The following PER1 variants were observed in gnomAD, a reference collection of about 807,000 sequenced individuals.
PER1 encodes period circadian regulator 1.
Under a neutral mutation model 125.9 loss-of-function variants are expected in PER1, and 87 were observed. That is an observed-to-expected ratio of 0.69 (90% CI 0.58 to 0.83). The LOEUF is 0.83. Among genes scored for constraint, PER1 ranks in the 40% least tolerant of loss-of-function variants. The pLI, the probability that PER1 is intolerant of heterozygous loss-of-function variation, is 0.00. For synonymous variants in PER1, 801 were observed against 714.7 expected (o/e 1.12, Z -1.93); for missense variants, 1,775 against 1,722.8 (o/e 1.03, Z -0.54).
intron 22 of PER1, 145 bp from the exon 23 acceptor site, chr17:8,141,485 C>T: frequency 1.0e-6 from 1 of 965,204 alleles, no homozygotes. Context: ...TGCGGTCCAA[C>T]AAGGTTGGAC....
rs771519844 is a variant in PER1, at chr17:8,146,339, G to A, written c.2038+33C>T. On this transcript the variant is annotated intron_variant, in intron 16 of 22. Transcript: ENST00000317276. Reference sequence around the variant, plus strand: ...GACACAGGGCCACCAGGCCAGGACGGGGCAGTGGGAGCAGGGTGCATTGGA... The same window carrying A: ...GACACAGGGCCACCAGGCCAGGACGAGGCAGTGGGAGCAGGGTGCATTGGA... 7.6e-6 allele frequency: 12 copies of A among 1,575,692 alleles called. 1 individual carries two copies. The Admixed American group carries it at 1.9e-4, about 26-fold the overall frequency.
chr17:8,148,392 G>A, intron 8 of PER1, 133 bp from the exon 9 acceptor site: 2 of 836,862 alleles, frequency 2.4e-6, no homozygotes, highest in Non-Finnish European at 1.9e-6. Context: ...GCCCAAAGAT[G>A]GTCTGGGCCA....
At chr17:8,151,456 G>A (rs1197132085) in intron 1 of PER1, among the ~76,000 whole-genome samples, 2 of 152,102 alleles carry the variant, frequency 1.3e-5, no homozygotes, top group Non-Finnish European at 1.5e-5. Flanking sequence ...GGGGGGTCAC[G>A]CATCCCTTAC....
chr17:8,150,899 G>A (rs3027175), intron 1 of PER1, 54 bp from the exon 2 acceptor site: 6,680 of 548,822 alleles, frequency 0.012, 372 homozygotes, highest in African/African-American at 0.12. Flanking sequence ...TAACTCCAGA[G>A]CACCTGCTGG....
Position 8,143,580 on chromosome 17 carries a change from C to T in PER1, c.2758G>A (p.Ala920Thr), listed in dbSNP as rs1982225329. ...AACAGATAGTTAGGGAGCACCAAGG[C>T]CACCATTGGGGTCACCAAAGGGGCG... is the stretch of plus-strand genomic sequence containing the variant. The part of the protein sequence containing the change: ...FPAPLVTPMV[A>T]LVLPNYLFPT... The change falls in exon 19 of 23, where the codon GCC (alanine) becomes ACC (threonine). Residue 920 changes from alanine to threonine, a missense_variant. By Grantham distance (58) the Ala-to-Thr change is moderately conservative. Transcript: ENST00000317276. 1.4e-6 allele frequency: 2 copies of T among 1,466,224 alleles called. No individual in the cohort carries two copies. Among genetic ancestry groups the T allele is most frequent in the South Asian group, 1.4e-5 (1 of 71,114 alleles). 90.8% of individuals were successfully genotyped at this position (1,466,224 alleles called of 1,614,324 possible). A position where few individuals can be genotyped will look rare whatever the true frequency, so the allele number is the denominator to read the frequency against.
intron 17 of PER1, 69 bp from the exon 18 acceptor site, chr17:8,145,062 T>G (rs767634216): frequency 7.4e-7 from 1 of 1,355,306 alleles, no homozygotes; most frequent in South Asian, 2.2e-5. Context: ...TACCACACCC[T>G]CCCTGTCTGA....
chr17:8,147,763 C>T lies in PER1; in HGVS notation c.1299G>A (p.Glu433=). The change falls in exon 11 of 23, where the codon GAG becomes GAA. Residue 433 remains glutamate (E), a synonymous_variant. Transcript: ENST00000317276. ...SPIRFCARNG[E]YVTMDTSWAG... ...CCCAGCTGGTGTCCATGGTGACATACTCCCCGTTGCGGGCACAGAAGCGGA... is the reference window on the plus strand; with the variant it reads ...CCCAGCTGGTGTCCATGGTGACATATTCCCCGTTGCGGGCACAGAAGCGGA... The T allele has an allele frequency of 6.2e-7, 1 of 1,614,110 alleles. No homozygotes were observed. Among genetic ancestry groups the T allele is most frequent in the Non-Finnish European group, 8.5e-7 (1 of 1,180,020 alleles).
chr17:8,146,678 A>G lies in PER1; in HGVS notation c.1823T>C (p.Leu608Pro), dbSNP rs1982465398. The G allele has an allele frequency of 6.2e-7, 1 of 1,613,852 alleles. No individual in the cohort carries two copies. The highest frequency in any genetic ancestry group is 8.5e-7 in the Non-Finnish European group (1 of 1,179,992). The change falls in exon 15 of 23, where the codon CTA (leucine) becomes CCA (proline). Residue 608 changes from leucine to proline, a missense_variant. By Grantham distance (98) the Leu-to-Pro change is moderately conservative (BLOSUM62 -3). Transcript: ENST00000317276. Reference sequence around the variant, plus strand: ...CTCGGCCTCCTCAGGGACCAAGGCTAGTGGGGCCTGGACGGGAGCAGAACC... The same window carrying G: ...CTCGGCCTCCTCAGGGACCAAGGCTGGTGGGGCCTGGACGGGAGCAGAACC... ...EAGSAPVQAP[L>P]ALVPEEAERK... is the part of the protein sequence containing the mutation.
chr17:8,149,333 G>T, intron 6 of PER1, 23 bp from the exon 7 acceptor site: 1 of 1,613,434 alleles, frequency 6.2e-7, no homozygotes. Context: ...GGAGAGGAGT[G>T]AGCACAGCTT....
chr17:8,145,189 GC>G, intron 17 of PER1, 196 bp from the exon 18 acceptor site: 2 of 448,154 alleles, frequency 4.5e-6, no homozygotes, highest in Non-Finnish European at 3.7e-6. Flanking sequence ...TGCAAAGCTG[GC>G]CCAGAAGAAG....
Position 8,147,686 on chromosome 17 carries a change from T to C in PER1, c.1376A>G (p.His459Arg). Reference sequence around the variant, plus strand: ...ATGGCCCACTTACGTGCGTACTTTGTGGCGGCCCAACACGAAGGCTACCTT... The same window carrying C: ...ATGGCCCACTTACGTGCGTACTTTGCGGCGGCCCAACACGAAGGCTACCTT... ...SRKVAFVLGR[H>R]KVRTAPLNED... Residue 459 changes from histidine (H) to arginine (R), a missense_variant, in exon 11 of 23, where the codon CAC becomes CGC. Physicochemically the swap from His to Arg is conservative, Grantham distance 29 (BLOSUM62 0). Coordinates refer to ENST00000317276, the MANE Select transcript of PER1 (RefSeq NM_002616.3). The C allele has an allele frequency of 6.8e-6, 11 of 1,614,010 alleles. No individual in the cohort carries two copies. The highest frequency in any genetic ancestry group is 1.3e-5 in the African/African-American group (1 of 75,056).
chr17:8,142,952 A>G, intron 19 of PER1, 117 bp from the exon 20 acceptor site: 1 of 776,596 alleles, frequency 1.3e-6, no homozygotes, highest in Non-Finnish European at 2.1e-6. Context: ...TCTGCTCCCC[A>G]CTTCGTGACA....
chr17:8,142,542 A>T, intron 20 of PER1, 84 bp from the exon 21 acceptor site: 1 of 1,552,038 alleles, frequency 6.4e-7, no homozygotes. Context: ...CTCAAAGGCC[A>T]CATGTCCATC....
intron 16 of PER1, 45 bp from the exon 17 acceptor site, chr17:8,146,182 G>C (rs922916768): frequency 1.3e-6 from 2 of 1,553,836 alleles, no homozygotes; most frequent in African/African-American, 2.7e-5. Flanking sequence ...CCCCCACTGG[G>C]AAGTCAGGAG....
intron 18 of PER1, chr17:8,144,529 T>A (rs1982297685): frequency 1.8e-6 from 1 of 560,336 alleles, no homozygotes; most frequent in South Asian, 2.6e-5. Flanking sequence ...TGCCTGCCCA[T>A]CCCAGTGCCA....
rs1285105421 is a variant in PER1 at position 8,149,537 on chromosome 17, G to T, written c.778C>A (p.Pro260Thr). The change falls in exon 6 of 23, where the codon CCC (proline) becomes ACC (threonine). Residue 260 changes from proline to threonine, a missense_variant. Coordinates refer to ENST00000317276, the MANE Select transcript of PER1 (RefSeq NM_002616.3). ...RGTRFSELLA[P>T]QDVGVFYGST... ...CCATAGAAGACTCCCACATCCTGGG[G>T]AGCCAGGAGCTCAGAGAAGCGGGTA... 1.9e-6 allele frequency: 3 copies of T among 1,613,808 alleles called. No individual in the cohort carries two copies. In the East Asian group the frequency reaches 6.7e-5, roughly 36 times the overall value.
intron 11 of PER1, 25 bp from the exon 12 acceptor site, chr17:8,147,603 C>T (rs773799303): frequency 1.9e-6 from 3 of 1,613,154 alleles, no homozygotes; most frequent in South Asian, 1.1e-5. Flanking sequence ...GTGAATCCAG[C>T]CCTGGCCCGG....
rs760767482 is a variant in PER1, at chr17:8,143,682, G to C, written c.2656C>G (p.Leu886Val). The C allele has an allele frequency of 1.3e-6, 2 of 1,483,880 alleles. No individual in the cohort carries two copies. Among genetic ancestry groups the C allele is most frequent in the Non-Finnish European group, 1.8e-6 (2 of 1,111,808 alleles). 91.9% of individuals were successfully genotyped at this position (1,483,880 alleles called of 1,614,324 possible). A position where few individuals can be genotyped will look rare whatever the true frequency, so the allele number is the denominator to read the frequency against. The change falls in exon 19 of 23, where the codon CTC becomes GTC. Residue 886 changes from leucine to valine, a missense_variant. Transcript: ENST00000317276. ...PFPAVVQPYP[L>V]PVFSPRGGPQ... is the part of the protein sequence containing the mutation. The stretch of plus-strand genomic sequence containing the variant: ...CCTCCTCGAGGAGAGAACACTGGGA[G>C]AGGGTAGGGCTGGACAACCGCTGGG...
chr17:8,149,130 A>G, intron 7 of PER1, 129 bp downstream of exon 7: 3 of 830,862 alleles, frequency 3.6e-6, no homozygotes, highest in South Asian at 1.4e-5. Context: ...CGGAGGTTGC[A>G]GTGAGCCGAG....
Sources: allele counts gnomAD v4.1 joint callset (sites outside exome capture counted in the v4.1 genomes callset), GRCh38; gene constraint gnomAD v4.1.1; transcripts MANE v1.5; gene names NCBI Gene and HGNC (gene_info 2026-07-23, HGNC 2026-07-21).